Variants in EHBP1 observed in about 807,000 individuals in gnomAD.
EHBP1 encodes EH domain-binding protein 1.
In EHBP1, 55 loss-of-function variants were observed where a neutral mutation model predicts 144.0. The ratio of observed to expected loss-of-function variants is 0.38; its 90% confidence interval spans 0.31 to 0.48. The LOEUF is 0.48. EHBP1 is among the 20% of genes least tolerant of loss of function. The probability of loss-of-function intolerance (pLI) is 0.98; values close to 1 mark genes in which losing one functional copy is unlikely to be tolerated. For missense variants in EHBP1, 1,200 were observed against 1,364.2 expected (o/e 0.88, Z 1.90); for synonymous variants, 469 against 472.7 (o/e 0.99, Z 0.10).
At chr2:62,887,569 T>G (rs1323412988) in intron 10 of EHBP1, among the ~76,000 whole-genome samples, 9 of 117,374 alleles carry the variant, frequency 7.7e-5, no homozygotes, top group African/African-American at 2.6e-4. Flanking sequence ...GAGATAGGTC[T>G]CCACAAAAAA....
chr2:62,806,855 C>T (rs530060124), intron 5 of EHBP1, among the ~76,000 whole-genome samples: 6 of 152,122 alleles, frequency 3.9e-5, no homozygotes, highest in Admixed American at 1.3e-4. Flanking sequence ...CTTATAATAA[C>T]GCAGTAATCC....
chr2:62,881,219 A>G (rs994169351), intron 10 of EHBP1, among the ~76,000 whole-genome samples: 2 of 152,008 alleles, frequency 1.3e-5, no homozygotes, highest in African/African-American at 4.8e-5. Context: ...AGAAGGGAAC[A>G]ATAGACACTG....
At chr2:62,746,455 C>A (rs977055802) in intron 2 of EHBP1, among the ~76,000 whole-genome samples, 1 of 151,780 alleles carries the variant, frequency 6.6e-6, no homozygotes. Context: ...GCACGGGATT[C>A]CAGTGTAAAA....
intron 7 of EHBP1, among the ~76,000 whole-genome samples, chr2:62,856,045 C>T (rs936354312): frequency 1.3e-5 from 2 of 152,156 alleles, no homozygotes; most frequent in African/African-American, 2.4e-5. Flanking sequence ...CTACCCACTG[C>T]GAGTCTCCTC....
At chr2:62,921,562 A>G (rs535682047) in intron 10 of EHBP1, among the ~76,000 whole-genome samples, 1 of 152,274 alleles carries the variant, frequency 6.6e-6, no homozygotes, top group South Asian at 2.1e-4. Context: ...AAAAAAATAC[A>G]CACAAAAGAA....
chr2:62,735,319 CATTTA>C (rs931961574), intron 2 of EHBP1, among the ~76,000 whole-genome samples: 10 of 151,484 alleles, frequency 6.6e-5, no homozygotes, highest in Non-Finnish European at 1.3e-4. Context: ...TTACAATATA[CATTTA>C]AAACTAATCC....
At chr2:62,763,432 C>G (rs2040918507) in intron 3 of EHBP1, among the ~76,000 whole-genome samples, 1 of 152,128 alleles carries the variant, frequency 6.6e-6, no homozygotes, top group Admixed American at 6.6e-5. Flanking sequence ...TCATAAGGTT[C>G]TTATGTAGAT....
At position 62,942,706 on chromosome 2, in the gene EHBP1, A is replaced by AT. The variant is rs760164114; in HGVS notation, c.1186-5dup. On this transcript the variant is annotated splice_polypyrimidine_tract_variant and intron_variant, in intron 10 of 22. Transcript: ENST00000431489. ...ATTCTTTTAATGTTTTCCCCTTTTCATTTTTTTCTAGCCAAGCCCTATACC... is the reference window on the plus strand; with the variant it reads ...ATTCTTTTAATGTTTTCCCCTTTTCATTTTTTTTCTAGCCAAGCCCTATACC... The AT allele has an allele frequency of 1.1e-5, 17 of 1,553,670 alleles. No individual in the cohort carries two copies. The Admixed American group carries it at 1.8e-4, about 16-fold the overall frequency.
At chr2:63,030,168 T>A (rs922237834) in intron 19 of EHBP1, among the ~76,000 whole-genome samples, 2 of 152,238 alleles carry the variant, frequency 1.3e-5, no homozygotes, top group African/African-American at 2.4e-5. Flanking sequence ...TTTATAGTTA[T>A]ATCTACAGGA....
At chr2:62,938,022 A>G (rs2056497559) in intron 10 of EHBP1, among the ~76,000 whole-genome samples, 1 of 152,194 alleles carries the variant, frequency 6.6e-6, no homozygotes, top group Admixed American at 6.5e-5. Flanking sequence ...TATGAGCAAA[A>G]CTGCCTGCAA....
chr2:62,973,408 A>G (rs755918502), intron 14 of EHBP1, among the ~76,000 whole-genome samples: 1 of 152,170 alleles, frequency 6.6e-6, no homozygotes, highest in Non-Finnish European at 1.5e-5. Context: ...CATTTTCCTC[A>G]TTTGATCATA....
At chr2:62,688,081 AGTAGTATATTTT>A (rs1372103273) in intron 1 of EHBP1, among the ~76,000 whole-genome samples, 23 of 152,208 alleles carry the variant, frequency 1.5e-4, no homozygotes, top group African/African-American at 5.5e-4. Flanking sequence ...TGATATATCC[AGTAGTATATTTT>A]TAAAAATGAA....
At chr2:62,738,777 A>G (rs2038398199) in intron 2 of EHBP1, among the ~76,000 whole-genome samples, 1 of 152,222 alleles carries the variant, frequency 6.6e-6, no homozygotes, top group African/African-American at 2.4e-5. Flanking sequence ...AAATAATGAC[A>G]TAATTTTCAG....
chr2:62,752,994 C>T (rs2039900708), intron 3 of EHBP1, among the ~76,000 whole-genome samples: 1 of 152,110 alleles, frequency 6.6e-6, no homozygotes, highest in Non-Finnish European at 1.5e-5. Context: ...GTATTTAGCC[C>T]ATTTACATTT....
intron 10 of EHBP1, among the ~76,000 whole-genome samples, chr2:62,895,811 G>A (rs918596229): frequency 2.0e-5 from 3 of 152,128 alleles, no homozygotes; most frequent in African/African-American, 7.2e-5. Flanking sequence ...ACAGAATAGG[G>A]TCTGAGGGAG....
At chr2:63,037,124 A>G (rs552628356) in intron 19 of EHBP1, among the ~76,000 whole-genome samples, 1 of 152,056 alleles carries the variant, frequency 6.6e-6, no homozygotes, top group East Asian at 1.9e-4. Flanking sequence ...ACTTTCACAC[A>G]ATCTCTGGAC....
intron 3 of EHBP1, among the ~76,000 whole-genome samples, chr2:62,759,096 C>T (rs955042260): frequency 6.6e-6 from 1 of 152,048 alleles, no homozygotes; most frequent in African/African-American, 2.4e-5. Context: ...TAGAGTCACC[C>T]AAAATTGAGA....
chr2:62,948,518 C>T lies in EHBP1; in HGVS notation c.1672C>T (p.Arg558Trp), dbSNP rs759757917. ...CTATGCAGAGCTTAGTGATCTGAAG[C>T]GGGAGCCTGAACTACAACAGCCTAT... is the stretch of plus-strand genomic sequence containing the variant. ...KFYAELSDLK[R>W]EPELQQPISG... The change falls in exon 13 of 23, where the codon CGG becomes TGG. Residue 558 changes from arginine to tryptophan, a missense_variant. Arg to Trp is a moderately radical substitution (Grantham distance 101). Around this residue, in one of 6 missense-constraint regions of EHBP1, gnomAD observed 543 missense variants for 513.1 expected, o/e 1.06. Transcript: ENST00000431489. The T allele has an allele frequency of 2.8e-5, 45 of 1,613,918 alleles. No homozygotes were observed. The South Asian group carries it at 3.2e-4, about 11-fold the overall frequency.
At chr2:62,725,517 A>T in intron 2 of EHBP1, among the ~76,000 whole-genome samples, 1 of 152,202 alleles carries the variant, frequency 6.6e-6, no homozygotes, top group East Asian at 1.9e-4. Flanking sequence ...CACTGTGTGC[A>T]CTGCCATCAG....
Sources: gnomAD v4.1 joint callset for allele counts (sites outside exome capture counted in the v4.1 genomes callset) on GRCh38, gnomAD v4.1.1 for gene constraint, gnomAD v4.1.1 regional missense constraint, MANE v1.5 for transcripts, NCBI Gene and HGNC (gene_info 2026-07-23, HGNC 2026-07-21) for gene names.